IRAK1BP1: variants seen among roughly 807,000 people sequenced by gnomAD.
The protein encoded by IRAK1BP1 is interleukin 1 receptor associated kinase 1 binding protein 1.
A neutral mutation model predicts 28.0 loss-of-function variants in IRAK1BP1; 24 were observed. The observed-to-expected ratio is 0.86, with a 90% CI of 0.62 to 1.20. The LOEUF (loss-of-function observed/expected upper bound fraction) is 1.20, where lower values mean the gene tolerates loss of function less well. Ranked by LOEUF, IRAK1BP1 falls within the 50% of genes most tolerant of loss-of-function variation. IRAK1BP1 has a pLI of 0.00. For missense variants in IRAK1BP1, 336 were observed against 316.7 expected (o/e 1.06, Z -0.46); for synonymous variants, 131 against 116.3 (o/e 1.13, Z -0.81).
At chr6:78,877,264 A>T (rs1368570735) in intron 1 of IRAK1BP1, among the ~76,000 whole-genome samples, 1 of 152,186 alleles carries the variant, frequency 6.6e-6, no homozygotes, top group Non-Finnish European at 1.5e-5. Flanking sequence ...TTTCTGTTAG[A>T]AACTTTGGCT....
intron 4 of IRAK1BP1, among the ~76,000 whole-genome samples, chr6:78,923,941 C>T (rs1389208744): frequency 6.6e-6 from 1 of 152,020 alleles, no homozygotes; most frequent in Non-Finnish European, 1.5e-5. Context: ...AAATTTATAG[C>T]ACTAAATGCC....
At chr6:78,925,708 TA>T (rs1772869366) in intron 4 of IRAK1BP1, among the ~76,000 whole-genome samples, 1 of 152,156 alleles carries the variant, frequency 6.6e-6, no homozygotes, top group African/African-American at 2.4e-5. Context: ...CAATGGAATA[TA>T]AATCATTCTG....
At chr6:78,930,840 AG>A (rs138348767) in intron 4 of IRAK1BP1, among the ~76,000 whole-genome samples, 11,233 of 152,172 alleles carry the variant, frequency 0.074, 510 homozygotes, top group African/African-American at 0.13. Flanking sequence ...CTGAGGCAGG[AG>A]AATCACTTGA....
At chr6:78,874,386 G>A (rs895046973) in intron 1 of IRAK1BP1, among the ~76,000 whole-genome samples, 7 of 152,030 alleles carry the variant, frequency 4.6e-5, no homozygotes, top group Non-Finnish European at 8.8e-5. Context: ...TGAGGATTCT[G>A]TATTTCTTGT....
chr6:78,965,823 T>A, the IRAK1BP1 span: 2 of 1,183,836 alleles, frequency 1.7e-6, no homozygotes, highest in South Asian at 2.7e-5. Flanking sequence ...ACAATTTTAA[T>A]AAAATCAATT....
the IRAK1BP1 span, among the ~76,000 whole-genome samples, chr6:78,952,308 A>C: frequency 6.6e-6 from 1 of 151,304 alleles, no homozygotes; most frequent in Non-Finnish European, 1.5e-5. Context: ...AATCCCAGCT[A>C]CTCGTGAGGC....
chr6:78,955,154 A>G, the IRAK1BP1 span: 1 of 1,036,846 alleles, frequency 9.6e-7, no homozygotes, highest in South Asian at 1.6e-5. Flanking sequence ...TAAAATGCTA[A>G]GAGTAAAAAA....
At position 78,923,923 on chromosome 6, in the gene IRAK1BP1, G is replaced by A. The variant is rs1772814012; in HGVS notation, c.*67+20813G>A. On this transcript the variant is annotated intron_variant and NMD_transcript_variant, in intron 4 of 4. Transcript: ENST00000606868. ...CTCTGGGGCACATTCAAAGCAGTGTGTAGAGGGAAATTTATAGCACTAAAT... is the reference window on the plus strand; with the variant it reads ...CTCTGGGGCACATTCAAAGCAGTGTATAGAGGGAAATTTATAGCACTAAAT... Among the ~76,000 whole-genome samples the A allele has an allele frequency of 2.0e-5, 3 of 152,264 alleles. No homozygotes were observed. In the South Asian group the frequency reaches 6.2e-4, roughly 32 times the overall value.
In IRAK1BP1 at chr6:78,867,653, A is replaced by T. The variant is rs1177352431; in HGVS notation, c.77A>T (p.Asn26Ile). 6.2e-7 allele frequency: 1 copy of T among 1,614,244 alleles called. No homozygotes were observed. The highest frequency in any genetic ancestry group is 1.7e-5 in the Admixed American group (1 of 60,032). ...TGGGCTGACCGGAGCCGGGAGAACA[A>T]CCTGGCCTCAGGGAGAGAGACGCTA... The part of the protein sequence containing the change: ...VPWADRSREN[N>I]LASGRETLPG... Residue 26 changes from asparagine (N) to isoleucine (I), a missense_variant, in exon 1 of 4, where the codon AAC becomes ATC. Coordinates refer to ENST00000369940, the MANE Select transcript of IRAK1BP1 (RefSeq NM_001010844.4).
chr6:78,954,939 G>A, the IRAK1BP1 span: 15 of 1,569,808 alleles, frequency 9.6e-6, no homozygotes, highest in African/African-American at 2.8e-5. Flanking sequence ...GCTCTATTAC[G>A]TAATCTTCTT....
At chr6:78,945,519 TA>T (rs748980817) in exon 5 of IRAK1BP1, 2 of 1,455,018 alleles carry the variant, frequency 1.4e-6, no homozygotes, top group African/African-American at 2.8e-5. Context: ...AAACAAAATT[TA>T]AAAATTAAGA....
At chr6:78,885,619 A>C (rs144742819) in intron 2 of IRAK1BP1, among the ~76,000 whole-genome samples, 176 bp downstream of exon 2, 1 of 152,262 alleles carries the variant, frequency 6.6e-6, no homozygotes, top group African/African-American at 2.4e-5. Context: ...CTTGAGATTT[A>C]AAAGAAAGTT....
downstream of IRAK1BP1, among the ~76,000 whole-genome samples, chr6:78,907,444 T>G (rs1311928253): frequency 6.6e-6 from 1 of 152,164 alleles, no homozygotes; most frequent in Non-Finnish European, 1.5e-5. Context: ...AAAGCCCACC[T>G]GGTATTTGTG....
chr6:78,896,782 A>G (rs369022282), intron 2 of IRAK1BP1, among the ~76,000 whole-genome samples: 95 of 151,150 alleles, frequency 6.3e-4, no homozygotes, highest in Middle Eastern at 3.4e-3. Context: ...CCGTGATCAC[A>G]CCACTGCACT....
intron 4 of IRAK1BP1, among the ~76,000 whole-genome samples, chr6:78,914,381 C>T (rs2127662956): frequency 6.6e-6 from 1 of 152,242 alleles, no homozygotes; most frequent in Non-Finnish European, 1.5e-5. Flanking sequence ...TTGTATAATA[C>T]CTTCATGTTT....
rs1772004041 is a variant in IRAK1BP1 at position 78,898,970 on chromosome 6, A to G, written c.*636A>G. On this transcript the variant is annotated 3_prime_UTR_variant, in exon 4 of 4. Transcript: ENST00000369940. ...AGACTTGAGATTCCCAGACAGAAAC[A>G]AAGGACTATTACTCATGGCACAACA... 6.6e-6 allele frequency: 1 copy of G among 152,166 alleles called. No homozygotes were observed. The highest frequency in any genetic ancestry group is 6.5e-5 in the Admixed American group (1 of 15,268). 9.4% of individuals were successfully genotyped at this position (152,166 alleles called of 1,614,324 possible).
chr6:78,946,315 AAC>A (rs2127682467), exon 5 of IRAK1BP1: 1 of 1,506,326 alleles, frequency 6.6e-7, no homozygotes, highest in East Asian at 2.3e-5. Context: ...GAACGAATAA[AAC>A]AGTTTATAAT....
chr6:78,915,956 A>G (rs1427841969), intron 4 of IRAK1BP1, among the ~76,000 whole-genome samples: 1 of 152,184 alleles, frequency 6.6e-6, no homozygotes, highest in Non-Finnish European at 1.5e-5. Flanking sequence ...ATGAACAAAG[A>G]ATTGGACAAA....
chr6:78,974,233 C>T, the IRAK1BP1 span, among the ~76,000 whole-genome samples: 8 of 152,020 alleles, frequency 5.3e-5, no homozygotes, highest in Admixed American at 1.3e-4. Context: ...CACTCAAAAC[C>T]GCTCAACTAC....
Sources: allele counts gnomAD v4.1 joint callset (sites outside exome capture counted in the v4.1 genomes callset), GRCh38; gene constraint gnomAD v4.1.1; transcripts MANE v1.5; gene names NCBI Gene and HGNC (gene_info 2026-07-23, HGNC 2026-07-21).